Variants in NEGR1 observed in about 807,000 individuals in gnomAD.
The protein encoded by NEGR1 is neuronal growth regulator 1, also known as IgLON family member 4.
In NEGR1, 10 loss-of-function variants were observed where a neutral mutation model predicts 40.9. That is an observed-to-expected ratio of 0.24 (90% CI 0.15 to 0.42). The LOEUF is 0.42. NEGR1 is among the 10% of genes least tolerant of loss of function. The probability of loss-of-function intolerance (pLI) is 1.00; values close to 1 mark genes in which losing one functional copy is unlikely to be tolerated. For missense variants in NEGR1, 352 were observed against 438.9 expected (o/e 0.80, Z 1.77); for synonymous variants, 185 against 166.8 (o/e 1.11, Z -0.84).
At chr1:72,116,903 T>G (rs1026172566) in intron 1 of NEGR1, among the ~76,000 whole-genome samples, 1 of 151,782 alleles carries the variant, frequency 6.6e-6, no homozygotes, top group Non-Finnish European at 1.5e-5. Context: ...GAATATTAAT[T>G]GAAATGTTTT....
intron 2 of NEGR1, among the ~76,000 whole-genome samples, chr1:71,880,333 A>G (rs1352819118): frequency 2.6e-5 from 4 of 152,048 alleles, no homozygotes; most frequent in Non-Finnish European, 2.9e-5. Flanking sequence ...CAATTTTACT[A>G]TACTCTTAGG....
chr1:72,008,307 C>CA (rs1646626962), intron 1 of NEGR1, among the ~76,000 whole-genome samples: 1 of 152,068 alleles, frequency 6.6e-6, no homozygotes, highest in Admixed American at 6.6e-5. Context: ...ATCTAACTCC[C>CA]ATGGTGCTGC....
At chr1:71,650,659 T>G (rs930442666) in intron 4 of NEGR1, among the ~76,000 whole-genome samples, 6 of 152,176 alleles carry the variant, frequency 3.9e-5, no homozygotes, top group Non-Finnish European at 8.8e-5. Context: ...TCAAGAAAAC[T>G]TTCTATCCAT....
At chr1:72,111,625 TAAAA>T (rs1462244339) in intron 1 of NEGR1, among the ~76,000 whole-genome samples, 1 of 151,928 alleles carries the variant, frequency 6.6e-6, no homozygotes, top group Non-Finnish European at 1.5e-5. Flanking sequence ...GTGACTAAGA[TAAAA>T]AACACTTATG....
At chr1:71,708,151 A>C (rs1653966758) in intron 3 of NEGR1, among the ~76,000 whole-genome samples, 1 of 152,146 alleles carries the variant, frequency 6.6e-6, no homozygotes, top group Admixed American at 6.5e-5. Flanking sequence ...GCCCTCAGCA[A>C]ATGAACTCGA....
chr1:72,093,341 A>AAAAAAAAAAAAAAAAAAG (rs1179635064), intron 1 of NEGR1, among the ~76,000 whole-genome samples: 7 of 151,528 alleles, frequency 4.6e-5, no homozygotes, highest in Admixed American at 1.3e-4. Context: ...AAAAAAAAAA[A>AAAAAAAAAAAAAAAAAAG]AAGATGCTCA....
intron 1 of NEGR1, among the ~76,000 whole-genome samples, chr1:71,935,524 AGTGTGT>A (rs3061582): frequency 4.1e-4 from 61 of 149,412 alleles, no homozygotes; most frequent in African/African-American, 8.8e-4. Context: ...TTAAGTGTGT[AGTGTGT>A]GTGTGTGTGT....
intron 2 of NEGR1, among the ~76,000 whole-genome samples, chr1:71,910,691 GGTTTTT>G (rs200469037): frequency 0.015 from 2,342 of 152,064 alleles, 46 homozygotes; most frequent in South Asian, 0.1. Context: ...TAGAGCCTTA[GGTTTTT>G]GTTTTTGTTT....
At position 71,679,184 on chromosome 1, in the gene NEGR1, C is replaced by T. The variant is rs143012760; in HGVS notation, c.667+18824G>A. On this transcript the variant is annotated intron_variant, in intron 4 of 6. Transcript: ENST00000357731. ...TATAATTACAATGATGTTATCCTGT[C>T]TATCCATGCTTCTTTAGGAATGGAT... is the stretch of plus-strand genomic sequence containing the variant. Among the ~76,000 whole-genome samples the T allele has an allele frequency of 2.8e-3, 425 of 152,264 alleles. 1 individual carries two copies. Among genetic ancestry groups the T allele is most frequent in the African/African-American group, 9.8e-3 (407 of 41,554 alleles).
chr1:71,750,215 G>A (rs530437721), intron 3 of NEGR1, among the ~76,000 whole-genome samples: 3 of 151,606 alleles, frequency 2.0e-5, no homozygotes, highest in Admixed American at 1.3e-4. Flanking sequence ...GGATGGTCTC[G>A]ATCTCCTGAC....
chr1:72,017,049 G>A lies in NEGR1; in HGVS notation c.177-81738C>T, dbSNP rs1032332794. 3.9e-5 allele frequency among the ~76,000 whole-genome samples: 6 copies of A among 152,148 alleles called. No individual in the cohort carries two copies. The South Asian group carries it at 8.3e-4, about 21-fold the overall frequency. On this transcript the variant is annotated intron_variant, in intron 1 of 6. Transcript: ENST00000357731. ...AATTTGATAAAATATATGTATTGGA[G>A]TGAATGTGGTAGGTAATGTAATGTG...
At chr1:71,863,528 C>T (rs1292370392) in intron 2 of NEGR1, among the ~76,000 whole-genome samples, 2 of 152,000 alleles carry the variant, frequency 1.3e-5, no homozygotes, top group Non-Finnish European at 2.9e-5. Flanking sequence ...TTGATCTGTG[C>T]CCCAAACCAC....
intron 6 of NEGR1, chr1:71,408,849 T>C (rs1347800228): frequency 4.6e-5 from 7 of 152,018 alleles, no homozygotes; most frequent in African/African-American, 9.7e-5. Context: ...TGAGTCTGAA[T>C]TGCCAGCAGA....
intron 1 of NEGR1, among the ~76,000 whole-genome samples, chr1:72,131,120 T>C (rs1231935091): frequency 6.6e-6 from 1 of 152,176 alleles, no homozygotes; most frequent in African/African-American, 2.4e-5. Flanking sequence ...CCTGACCAAC[T>C]TGTTAAAATA....
chr1:72,275,215 A>C, intron 1 of NEGR1: 9 of 595,008 alleles, frequency 1.5e-5, no homozygotes, highest in Non-Finnish European at 2.7e-5. Flanking sequence ...ACAAAATATC[A>C]AAAAATTTCT....
At chr1:71,665,481 T>G (rs1570171184) in intron 4 of NEGR1, among the ~76,000 whole-genome samples, 1 of 152,180 alleles carries the variant, frequency 6.6e-6, no homozygotes, top group Non-Finnish European at 1.5e-5. Context: ...AACAGGAGGA[T>G]AGATGCAAGG....
intron 4 of NEGR1, among the ~76,000 whole-genome samples, chr1:71,660,438 C>T (rs937487435): frequency 6.6e-6 from 1 of 151,768 alleles, no homozygotes; most frequent in Non-Finnish European, 1.5e-5. Context: ...CACGTGTTTA[C>T]CTATATAACA....
At chr1:72,077,197 A>G (rs1017494234) in intron 1 of NEGR1, among the ~76,000 whole-genome samples, 5 of 151,852 alleles carry the variant, frequency 3.3e-5, no homozygotes, top group African/African-American at 7.3e-5. Flanking sequence ...CCCGGCCCTC[A>G]TTTATCTATT....
At chr1:71,725,478 T>C (rs1654640921) in intron 3 of NEGR1, among the ~76,000 whole-genome samples, 2 of 152,160 alleles carry the variant, frequency 1.3e-5, no homozygotes, top group South Asian at 4.1e-4. Flanking sequence ...GGAGCTCTTT[T>C]AGTTTTCCAC....
Sources: allele counts gnomAD v4.1 joint callset (sites outside exome capture counted in the v4.1 genomes callset), GRCh38; gene constraint gnomAD v4.1.1; transcripts MANE v1.5; gene names NCBI Gene and HGNC (gene_info 2026-07-23, HGNC 2026-07-21).